PCDHA5: variants seen among roughly 807,000 people sequenced by gnomAD.
PCDHA5 encodes protocadherin alpha-5.
PCDHA5 carries 43 observed loss-of-function variants against 61.6 expected under a neutral mutation model. The observed-to-expected ratio is 0.70, with a 90% CI of 0.55 to 0.90. The LOEUF (loss-of-function observed/expected upper bound fraction) is 0.90, where lower values mean the gene tolerates loss of function less well. Ranked by LOEUF, PCDHA5 falls within the 40% of genes least tolerant of loss-of-function variation. PCDHA5 has a pLI of 0.00. For synonymous variants in PCDHA5, 627 were observed against 543.9 expected (o/e 1.15, Z -2.13); for missense variants, 1,298 against 1,222.7 (o/e 1.06, Z -0.92).
At chr5:140,926,789 G>A in intron 1 of PCDHA5, 1 of 1,432,318 alleles carries the variant, frequency 7.0e-7, no homozygotes, top group East Asian at 2.5e-5. Flanking sequence ...CGGCCGGCAG[G>A]AGCGTGCTCT....
rs1434058728 is a variant in PCDHA5, at chr5:140,823,628, G to C, written c.1853G>C (p.Arg618Pro). The C allele has an allele frequency of 6.2e-6, 10 of 1,613,936 alleles. No individual in the cohort carries two copies. The highest frequency in any genetic ancestry group is 8.5e-6 in the Non-Finnish European group (10 of 1,179,966). ...CTGCAGCCAGCGCCTGGCAGTGCGC[G>C]CATCCCGTTCCGCGTGGGGCTGTAC... The part of the protein sequence containing the change: ...YELQPAPGSA[R>P]IPFRVGLYTG... Residue 618 changes from arginine to proline, a missense_variant, in exon 1 of 4, where the codon CGC becomes CCC. By Grantham distance (103) the Arg-to-Pro change is moderately radical. Transcript: ENST00000529859.
At chr5:140,982,650 CTCTTTT>C (rs2096993978) in intron 3 of PCDHA5, 87 bp downstream of exon 3, 1 of 1,507,000 alleles carries the variant, frequency 6.6e-7, no homozygotes, top group South Asian at 1.3e-5. Context: ...ATGTTGATGG[CTCTTTT>C]TCTTTTATAT....
intron 3 of PCDHA5, among the ~76,000 whole-genome samples, chr5:140,991,912 A>G (rs1022060256): frequency 1.3e-5 from 2 of 152,150 alleles, no homozygotes; most frequent in Non-Finnish European, 2.9e-5. Context: ...CCCTTTTGCC[A>G]TGTAACATAA....
chr5:140,869,250 G>C (rs371660992), intron 1 of PCDHA5: 4 of 1,613,636 alleles, frequency 2.5e-6, no homozygotes, highest in East Asian at 2.2e-5. Flanking sequence ...GCCGCATCGC[G>C]CAGGACCTGG....
chr5:141,000,743 TA>T (rs527867626), intron 3 of PCDHA5, among the ~76,000 whole-genome samples: 276 of 145,094 alleles, frequency 1.9e-3, no homozygotes, highest in Admixed American at 4.4e-3. Context: ...CTCTGTATAT[TA>T]AAAAAAAAAA....
At chr5:140,900,477 A>G (rs2068076560) in intron 1 of PCDHA5, among the ~76,000 whole-genome samples, 1 of 152,290 alleles carries the variant, frequency 6.6e-6, no homozygotes, top group Non-Finnish European at 1.5e-5. Flanking sequence ...GAGTTTCTCC[A>G]TGTTGGTCAG....
At chr5:140,950,195 C>A (rs186601471) in intron 1 of PCDHA5, among the ~76,000 whole-genome samples, 1 of 152,028 alleles carries the variant, frequency 6.6e-6, no homozygotes, top group Non-Finnish European at 1.5e-5. Context: ...AAAAAATAGT[C>A]ATTTCTGTTT....
intron 3 of PCDHA5, among the ~76,000 whole-genome samples, chr5:140,996,100 G>A (rs1554255000): frequency 1.3e-5 from 2 of 152,190 alleles, no homozygotes; most frequent in Non-Finnish European, 2.9e-5. Flanking sequence ...TACATGGAAT[G>A]GTATGGAAGT....
At chr5:140,933,036 A>G (rs545196190) in intron 1 of PCDHA5, among the ~76,000 whole-genome samples, 5 of 152,154 alleles carry the variant, frequency 3.3e-5, no homozygotes, top group South Asian at 4.1e-4. Context: ...CTTCAAGTGA[A>G]TATGGATTAC....
In PCDHA5 at chr5:140,843,766, GT is replaced by G. The variant is rs2150366471; in HGVS notation, c.2352+19641del. ...ATAAATTCTATTTGTGGAAATTGTA[GT>G]TACTTTAAAAGTGTTTCAGATTTAG... On this transcript the variant is annotated intron_variant, in intron 1 of 3. Coordinates refer to ENST00000529859, the MANE Select transcript of PCDHA5 (RefSeq NM_018908.3). 2.9e-5 allele frequency: 43 copies of G among 1,487,836 alleles called. 4 individuals carry two copies. Among genetic ancestry groups the G allele is most frequent in the Non-Finnish European group, 3.7e-5 (40 of 1,082,784 alleles). 92.2% of individuals were successfully genotyped at this position (1,487,836 alleles called of 1,614,324 possible). A position where few individuals can be genotyped will look rare whatever the true frequency, so the allele number is the denominator to read the frequency against.
chr5:141,004,531 C>A (rs1051693064), intron 3 of PCDHA5, among the ~76,000 whole-genome samples: 2 of 152,234 alleles, frequency 1.3e-5, no homozygotes, highest in Admixed American at 1.3e-4. Flanking sequence ...ATACACACAG[C>A]CATTAATGTC....
chr5:140,994,142 G>A (rs550428204), intron 3 of PCDHA5, among the ~76,000 whole-genome samples: 21 of 152,298 alleles, frequency 1.4e-4, no homozygotes, highest in South Asian at 4.1e-4. Context: ...AATGCCCTAC[G>A]TAGGTAGGGT....
chr5:140,830,324 G>C (rs1770992912), intron 1 of PCDHA5: 1 of 1,614,086 alleles, frequency 6.2e-7, no homozygotes, highest in Non-Finnish European at 8.5e-7. Context: ...CTCCAGCGCA[G>C]TGGGGAGCTG....
At chr5:140,827,717 A>G (rs1179234580) in intron 1 of PCDHA5, among the ~76,000 whole-genome samples, 2 of 152,248 alleles carry the variant, frequency 1.3e-5, no homozygotes, top group African/African-American at 4.8e-5. Context: ...ATATTGGTAG[A>G]AAAGTTGTTT....
chr5:140,882,226 G>C (rs778262653), intron 1 of PCDHA5: 257 of 1,564,032 alleles, frequency 1.6e-4, no homozygotes, highest in Non-Finnish European at 3.8e-5. Flanking sequence ...GAGGTAAGGC[G>C]TTGTATATAT....
chr5:141,009,597 G>A (rs1284925593), intron 3 of PCDHA5, 30 bp from the exon 4 acceptor site: 1 of 1,605,790 alleles, frequency 6.2e-7, no homozygotes, highest in Non-Finnish European at 8.5e-7. Flanking sequence ...TGTTGACCCT[G>A]TTAATGATTT....
intron 1 of PCDHA5, chr5:140,852,273 G>A: frequency 4.0e-6 from 2 of 502,850 alleles, no homozygotes; most frequent in Non-Finnish European, 5.3e-6. Context: ...AATATTACAT[G>A]TTTTTTGTCT....
chr5:140,849,612 A>C lies in PCDHA5; in HGVS notation c.2352+25485A>C, dbSNP rs2040992184. On this transcript the variant is annotated intron_variant, in intron 1 of 3. Transcript: ENST00000529859. ...ACTGGGGACAGTTATTGCCCTGATT[A>C]GTGTGATCGACCTAGACGCAGATGC... 5 of 1,598,736 alleles carry C rather than the reference A, an allele frequency of 3.1e-6. 2 individuals are homozygous for C. The highest frequency in any genetic ancestry group is 4.3e-6 in the Non-Finnish European group (5 of 1,167,986).
At chr5:140,946,894 T>C (rs1368559322) in intron 1 of PCDHA5, among the ~76,000 whole-genome samples, 1 of 151,402 alleles carries the variant, frequency 6.6e-6, no homozygotes, top group Non-Finnish European at 1.5e-5. Context: ...TACAATTAGA[T>C]AGGAAGAATA....
Sources: gnomAD v4.1 joint callset for allele counts (sites outside exome capture counted in the v4.1 genomes callset) on GRCh38, gnomAD v4.1.1 for gene constraint, MANE v1.5 for transcripts, NCBI Gene and HGNC (gene_info 2026-07-23, HGNC 2026-07-21) for gene names.